The following ERC2 variants were observed in gnomAD, a reference collection of about 807,000 sequenced individuals.
The protein encoded by ERC2 is ELKS/RAB6-interacting/CAST family member 2.
In ERC2, 42 loss-of-function variants were observed where a neutral mutation model predicts 114.8. That is an observed-to-expected ratio of 0.37 (90% confidence interval 0.29 to 0.47). The LOEUF is 0.47. Among genes scored for constraint, ERC2 ranks in the 20% least tolerant of loss-of-function variants. The probability of loss-of-function intolerance (pLI) is 0.99; values close to 1 mark genes in which losing one functional copy is unlikely to be tolerated. For synonymous variants in ERC2, 454 were observed against 425.5 expected (o/e 1.07, Z -0.82); for missense variants, 939 against 1,150.7 (o/e 0.82, Z 2.66).
chr3:55,790,431 C>T (rs2069904848), intron 14 of ERC2, among the ~76,000 whole-genome samples: 1 of 152,216 alleles, frequency 6.6e-6, no homozygotes, highest in Non-Finnish European at 1.5e-5. Context: ...GCCTCACCCT[C>T]ATCCCGTCAG....
intron 16 of ERC2, among the ~76,000 whole-genome samples, chr3:55,687,366 G>C (rs984006051): frequency 9.8e-6 from 1 of 101,726 alleles, no homozygotes; most frequent in Non-Finnish European, 2.0e-5. Flanking sequence ...CAAACCTGAG[G>C]CCACCACCGG....
chr3:56,312,404 A>T (rs2056633428), intron 2 of ERC2, among the ~76,000 whole-genome samples: 1 of 152,196 alleles, frequency 6.6e-6, no homozygotes, highest in African/African-American at 2.4e-5. Context: ...CAAATGTTTG[A>T]AAGCAGAATA....
chr3:55,895,372 C>A (rs1457099436), intron 13 of ERC2, among the ~76,000 whole-genome samples: 1 of 152,170 alleles, frequency 6.6e-6, no homozygotes, highest in Admixed American at 6.5e-5. Context: ...TTACTGACCT[C>A]TCTAAGCCTA....
intron 9 of ERC2, among the ~76,000 whole-genome samples, chr3:56,008,670 C>T (rs970071021): frequency 6.6e-6 from 1 of 152,120 alleles, no homozygotes; most frequent in Admixed American, 6.6e-5. Flanking sequence ...CTAGGAGTTG[C>T]TAATAGAAGG....
chr3:55,993,926 T>C (rs978020682), intron 10 of ERC2, among the ~76,000 whole-genome samples: 1 of 152,140 alleles, frequency 6.6e-6, no homozygotes, highest in Non-Finnish European at 1.5e-5. Flanking sequence ...ATGAATAAAT[T>C]TCCTAATCTC....
intron 17 of ERC2, among the ~76,000 whole-genome samples, chr3:55,664,709 C>T (rs893894105): frequency 1.5e-4 from 23 of 152,294 alleles, no homozygotes; most frequent in African/African-American, 5.1e-4. Context: ...GCCTACATAC[C>T]GCGGCCCAGA....
intron 2 of ERC2, among the ~76,000 whole-genome samples, chr3:56,318,997 G>A (rs1224567463): frequency 1.3e-5 from 2 of 150,794 alleles, no homozygotes; most frequent in Non-Finnish European, 3.0e-5. Context: ...ACAAGTCTTG[G>A]TAAGGATACG....
chr3:55,738,852 G>C (rs1443595358), intron 14 of ERC2, among the ~76,000 whole-genome samples: 1 of 152,114 alleles, frequency 6.6e-6, no homozygotes, highest in Non-Finnish European at 1.5e-5. Context: ...ATGGTGGTTT[G>C]CTGCACCCAT....
At chr3:55,549,275 T>A (rs2054977182) in intron 17 of ERC2, among the ~76,000 whole-genome samples, 1 of 151,304 alleles carries the variant, frequency 6.6e-6, no homozygotes, top group Non-Finnish European at 1.5e-5. Flanking sequence ...CGAAATGAGG[T>A]CCCTCCTGCA....
intron 16 of ERC2, among the ~76,000 whole-genome samples, chr3:55,686,458 G>T (rs748299029): frequency 6.6e-5 from 10 of 152,190 alleles, no homozygotes; most frequent in Non-Finnish European, 1.5e-4. Context: ...GGGTCAGAGT[G>T]AGTGTCCGTT....
intron 7 of ERC2, among the ~76,000 whole-genome samples, chr3:56,047,022 G>A (rs968110315): frequency 6.6e-6 from 1 of 152,108 alleles, no homozygotes; most frequent in East Asian, 1.9e-4. Flanking sequence ...CTAGCCTGAC[G>A]CTGAAGAAAA....
chr3:56,076,158 G>C (rs2076959798), intron 7 of ERC2, among the ~76,000 whole-genome samples: 1 of 152,176 alleles, frequency 6.6e-6, no homozygotes, highest in African/African-American at 2.4e-5. Flanking sequence ...TTGGCTTCCA[G>C]AGAGATCGCC....
chr3:55,871,056 TC>T (rs1475563855), intron 14 of ERC2, among the ~76,000 whole-genome samples: 5 of 152,168 alleles, frequency 3.3e-5, no homozygotes, highest in Non-Finnish European at 2.9e-5. Flanking sequence ...CCCAGTGATA[TC>T]CCTGGTTACC....
chr3:55,599,044 C>G (rs1237004338), intron 17 of ERC2, among the ~76,000 whole-genome samples: 1 of 152,186 alleles, frequency 6.6e-6, no homozygotes, highest in Non-Finnish European at 1.5e-5. Flanking sequence ...AAGACAGGAG[C>G]AGTACAATTT....
intron 1 of ERC2, among the ~76,000 whole-genome samples, chr3:56,464,703 C>T (rs1415521331): frequency 6.6e-6 from 1 of 152,080 alleles, no homozygotes; most frequent in Non-Finnish European, 1.5e-5. Context: ...ATCTACATTA[C>T]CATGAATATT....
intron 7 of ERC2, among the ~76,000 whole-genome samples, chr3:56,054,080 A>G (rs113759813): frequency 7.7e-4 from 118 of 152,280 alleles, no homozygotes; most frequent in African/African-American, 2.8e-3. Context: ...TGGCAATTAT[A>G]TGGCAATTAT....
At chr3:56,285,011 T>TCTCACA (rs2054588289) in intron 3 of ERC2, among the ~76,000 whole-genome samples, 2 of 95,686 alleles carry the variant, frequency 2.1e-5, no homozygotes, top group African/African-American at 6.9e-5. Context: ...TCTCTCTCTC[T>TCTCACA]CACACACACA....
chr3:55,947,848 T>C lies in ERC2; in HGVS notation c.2403+2577A>G, dbSNP rs1031843623. Among the ~76,000 whole-genome samples the C allele has an allele frequency of 2.0e-5, 3 of 152,064 alleles. No individual in the cohort carries two copies. The East Asian group carries it at 5.8e-4, about 29-fold the overall frequency. ...ACACATCTCTACCAAAAATAAACAA[T>C]AAAAAACAGGCAGAAAGAACCAGAC... On this transcript the variant is annotated intron_variant, in intron 13 of 17. Coordinates refer to ENST00000288221, the MANE Select transcript of ERC2 (RefSeq NM_015576.3).
At position 56,313,958 on chromosome 3, in the gene ERC2, A is replaced by G. The variant is rs75393844; in HGVS notation, c.658-17523T>C. Among the ~76,000 whole-genome samples the G allele has an allele frequency of 8.1e-3, 1,235 of 152,326 alleles. 73 individuals are homozygous for G. In the East Asian group the frequency reaches 0.16, roughly 20 times the overall value. On this transcript the variant is annotated intron_variant, in intron 2 of 17. Transcript: ENST00000288221. ...GGGGATTCCTAAAGTACCCTTTAGG[A>G]CTATATATAAGACTCAGGTGAACTG...
Sources: allele counts gnomAD v4.1 joint callset (sites outside exome capture counted in the v4.1 genomes callset), GRCh38; gene constraint gnomAD v4.1.1; transcripts MANE v1.5; gene names NCBI Gene and HGNC (gene_info 2026-07-23, HGNC 2026-07-21).